NAV3: variants seen among roughly 807,000 people sequenced by gnomAD.
The protein encoded by NAV3 is pore membrane and/or filament interacting like protein 1.
NAV3 carries 87 observed loss-of-function variants against 244.7 expected under a neutral mutation model. That is an observed-to-expected ratio of 0.36 (90% CI 0.30 to 0.42). The LOEUF (loss-of-function observed/expected upper bound fraction) is 0.42. Among genes scored for constraint, NAV3 ranks in the 20% least tolerant of loss-of-function variants. The probability of loss-of-function intolerance (pLI) is 1.00; values close to 1 mark genes in which losing one functional copy is unlikely to be tolerated. For synonymous variants in NAV3, 1,126 were observed against 1,042.2 expected (o/e 1.08, Z -1.55); for missense variants, 2,663 against 2,893.3 (o/e 0.92, Z 1.83).
chr12:77,729,985 G>A (rs923480715), intron 2 of NAV3, among the ~76,000 whole-genome samples: 7 of 151,902 alleles, frequency 4.6e-5, no homozygotes, highest in African/African-American at 1.4e-4. Flanking sequence ...ATATGGGAAT[G>A]AGGGGTATAG....
intron 7 of NAV3, among the ~76,000 whole-genome samples, chr12:78,000,654 C>T (rs1159542110): frequency 8.2e-5 from 11 of 134,138 alleles, no homozygotes; most frequent in South Asian, 2.4e-4. Context: ...CAGGCGCCCG[C>T]CACCACGCCC....
intron 21 of NAV3, among the ~76,000 whole-genome samples, 175 bp downstream of exon 21, chr12:78,146,567 T>G (rs1314912387): frequency 6.6e-6 from 1 of 152,136 alleles, no homozygotes; most frequent in East Asian, 1.9e-4. Context: ...AAAAATAAAA[T>G]GAAAGGAAGT....
intron 3 of NAV3, among the ~76,000 whole-genome samples, chr12:77,956,083 A>C (rs1334919630): frequency 6.6e-6 from 1 of 152,168 alleles, no homozygotes; most frequent in Admixed American, 6.5e-5. Context: ...AATTTTAACC[A>C]AAGCAAAAAT....
rs189366610 is a variant in NAV3 at position 77,955,870 on chromosome 12, C to T, written c.415-10359C>T. 5.6e-4 allele frequency among the ~76,000 whole-genome samples: 85 copies of T among 151,722 alleles called. 1 individual carries two copies. The highest frequency in any genetic ancestry group is 4.4e-3 in the Admixed American group (67 of 15,220). On this transcript the variant is annotated intron_variant, in intron 3 of 39. Transcript: ENST00000397909. ...GGGCAATGGGAGTAAAACCCTGTCT[C>T]GAAAAAAGAAAAGAAAAGAAAGAAA...
chr12:77,839,957 C>G (rs910242395), intron 1 of NAV3, among the ~76,000 whole-genome samples: 5 of 152,090 alleles, frequency 3.3e-5, no homozygotes, highest in African/African-American at 1.2e-4. Flanking sequence ...CTTGCCATCT[C>G]AGCTACTCAG....
chr12:77,644,448 T>C (rs144405107), intron 2 of NAV3, among the ~76,000 whole-genome samples: 3 of 151,756 alleles, frequency 2.0e-5, no homozygotes, highest in African/African-American at 4.8e-5. Flanking sequence ...ACAGAAGGAG[T>C]GCACAGAATT....
chr12:78,095,075 A>ATATATATATATATATATATG (rs1566123706), intron 12 of NAV3, among the ~76,000 whole-genome samples: 134 of 146,862 alleles, frequency 9.1e-4, no homozygotes, highest in Non-Finnish European at 1.5e-3. Context: ...ACACACACAC[A>ATATATATATATATATATATG]CACACACACA....
chr12:78,136,878 G>C (rs1397751444), intron 18 of NAV3, among the ~76,000 whole-genome samples: 1 of 152,106 alleles, frequency 6.6e-6, no homozygotes, highest in African/African-American at 2.4e-5. Flanking sequence ...CTTCATAACA[G>C]GTAGCAGAAA....
intron 2 of NAV3, among the ~76,000 whole-genome samples, chr12:77,630,959 C>T (rs1036042080): frequency 6.6e-6 from 1 of 152,130 alleles, no homozygotes; most frequent in Non-Finnish European, 1.5e-5. Flanking sequence ...TCACTAAGTA[C>T]TAGGGCATAC....
chr12:77,874,763 T>A (rs1442308259), intron 1 of NAV3, among the ~76,000 whole-genome samples: 3 of 152,168 alleles, frequency 2.0e-5, no homozygotes, highest in Non-Finnish European at 2.9e-5. Context: ...TAGATTACCA[T>A]CTTTCAAATG....
chr12:77,727,048 A>T (rs1489292095), intron 2 of NAV3, among the ~76,000 whole-genome samples: 3 of 151,992 alleles, frequency 2.0e-5, no homozygotes, highest in African/African-American at 7.2e-5. Flanking sequence ...ATGAATGAAG[A>T]TAGCAGAAGG....
intron 12 of NAV3, among the ~76,000 whole-genome samples, chr12:78,084,667 A>G (rs1162924777): frequency 6.6e-6 from 1 of 151,776 alleles, no homozygotes; most frequent in East Asian, 1.9e-4. Context: ...GCTATCATCA[A>G]TTTCTCTCTG....
At chr12:78,174,197 A>C (rs1295203569) in intron 24 of NAV3, among the ~76,000 whole-genome samples, 1 of 151,804 alleles carries the variant, frequency 6.6e-6, no homozygotes, top group Non-Finnish European at 1.5e-5. Flanking sequence ...GTGTCTCAGT[A>C]ATACTTAATA....
At chr12:78,174,960 A>G (rs1958158186) in intron 24 of NAV3, among the ~76,000 whole-genome samples, 2 of 152,060 alleles carry the variant, frequency 1.3e-5, no homozygotes, top group African/African-American at 4.8e-5. Flanking sequence ...ACTCTTTTAA[A>G]TTAATCATTC....
intron 5 of NAV3, among the ~76,000 whole-genome samples, chr12:77,983,358 A>G (rs1011659732): frequency 6.6e-6 from 1 of 152,172 alleles, no homozygotes; most frequent in Non-Finnish European, 1.5e-5. Flanking sequence ...GATTGGAAGT[A>G]AGGGTAAAAG....
At chr12:77,797,131 C>T (rs1048326543) in intron 2 of NAV3, among the ~76,000 whole-genome samples, 16 of 152,094 alleles carry the variant, frequency 1.1e-4, no homozygotes, top group Non-Finnish European at 1.6e-4. Flanking sequence ...CTACCACAAA[C>T]GAACTAAATG....
chr12:78,049,967 G>T (rs757252184), intron 9 of NAV3, 26 bp from the exon 10 acceptor site: 1 of 1,536,522 alleles, frequency 6.5e-7, no homozygotes, highest in Non-Finnish European at 8.9e-7. Context: ...GTCATGAATA[G>T]CAAATTTATC....
rs184816755 is a variant in NAV3 at position 78,075,856 on chromosome 12, C to G, written c.2636+16741C>G. On this transcript the variant is annotated intron_variant, in intron 12 of 39. Transcript: ENST00000397909. ...ATGTGAGGCCCTCCTCTGATTAAAA[C>G]AATGCACTCTCAGTCCTATATAATT... Among the ~76,000 whole-genome samples the G allele has an allele frequency of 1.8e-4, 27 of 152,254 alleles. 1 individual carries two copies. In the East Asian group the frequency reaches 5.2e-3, roughly 29 times the overall value.
intron 16 of NAV3, among the ~76,000 whole-genome samples, chr12:78,125,056 C>G (rs1955845823): frequency 6.6e-6 from 1 of 152,032 alleles, no homozygotes; most frequent in South Asian, 2.1e-4. Context: ...TTGCTCTAAT[C>G]CTTTCAAGTA....
Sources: gnomAD v4.1 joint callset for allele counts (sites outside exome capture counted in the v4.1 genomes callset) on GRCh38, gnomAD v4.1.1 for gene constraint, MANE v1.5 for transcripts, NCBI Gene and HGNC (gene_info 2026-07-23, HGNC 2026-07-21) for gene names.